IMPG1: variants seen among roughly 807,000 people sequenced by gnomAD.
IMPG1 encodes interphotoreceptor matrix proteoglycan of 150 kDa.
IMPG1 carries 85 observed loss-of-function variants against 92.0 expected under a neutral mutation model. The observed-to-expected ratio is 0.92, with a 90% CI of 0.78 to 1.11. The LOEUF (loss-of-function observed/expected upper bound fraction) is 1.11. Ranked by LOEUF, IMPG1 falls within the 50% of genes least tolerant of loss-of-function variation. IMPG1 has a pLI of 0.00. For missense variants in IMPG1, 1,022 were observed against 956.0 expected, an observed-to-expected ratio of 1.07 and a Z score of -0.91; for synonymous variants, 367 against 334.1, an observed-to-expected ratio of 1.10 and a Z score of -1.08.
chr6:76,025,883 G>A (rs1175531278), intron 4 of IMPG1, among the ~76,000 whole-genome samples: 1 of 152,172 alleles, frequency 6.6e-6, no homozygotes, highest in Admixed American at 6.5e-5. Context: ...TGGTGGTAGA[G>A]CTATTTGTGT....
chr6:76,046,482 T>C (rs149571707), intron 1 of IMPG1, among the ~76,000 whole-genome samples: 17 of 152,326 alleles, frequency 1.1e-4, no homozygotes, highest in African/African-American at 2.9e-4. Context: ...GTAATACACA[T>C]GGTGCTTACT....
intron 1 of IMPG1, among the ~76,000 whole-genome samples, chr6:76,052,394 G>C (rs1001042359): frequency 6.6e-6 from 1 of 152,200 alleles, no homozygotes. Context: ...TGCAAGAAAA[G>C]ATAGTACACA....
chr6:75,988,010 C>T (rs1782749811), intron 12 of IMPG1, among the ~76,000 whole-genome samples: 2 of 152,178 alleles, frequency 1.3e-5, no homozygotes, highest in South Asian at 4.1e-4. Flanking sequence ...TTTTCTTAAT[C>T]CAGTCTATCA....
At chr6:76,054,643 C>G (rs1784091416) in intron 1 of IMPG1, among the ~76,000 whole-genome samples, 1 of 151,964 alleles carries the variant, frequency 6.6e-6, no homozygotes, top group African/African-American at 2.4e-5. Context: ...TATTAATAAC[C>G]AGCTCTGGGA....
At chr6:76,017,153 GA>G (rs1475802343) in intron 7 of IMPG1, among the ~76,000 whole-genome samples, 14 of 148,088 alleles carry the variant, frequency 9.5e-5, no homozygotes, top group Non-Finnish European at 2.1e-4. Context: ...AAACTAGAGT[GA>G]AAAGGAGGGG....
intron 6 of IMPG1, among the ~76,000 whole-genome samples, chr6:76,021,213 C>T (rs1783418145): frequency 2.0e-5 from 3 of 152,192 alleles, no homozygotes; most frequent in African/African-American, 7.2e-5. Context: ...AACCAATTGT[C>T]AACCAGAAAA....
At chr6:75,974,604 G>T (rs1055322150) in intron 12 of IMPG1, among the ~76,000 whole-genome samples, 10 of 151,176 alleles carry the variant, frequency 6.6e-5, no homozygotes, top group Non-Finnish European at 1.2e-4. Context: ...CGAGTAGCTG[G>T]GATTACAATC....
chr6:76,032,739 T>G (rs1246697375), intron 4 of IMPG1, among the ~76,000 whole-genome samples: 1 of 151,776 alleles, frequency 6.6e-6, no homozygotes, highest in African/African-American at 2.4e-5. Flanking sequence ...AGAGTAGAAT[T>G]TGGATAGATG....
Position 76,024,497 on chromosome 6 carries a change from A to T in IMPG1, c.562+697T>A, listed in dbSNP as rs193103979. 1.1e-4 allele frequency among the ~76,000 whole-genome samples: 16 copies of T among 152,310 alleles called. 1 individual carries two copies. The highest frequency in any genetic ancestry group is 3.4e-4 in the African/African-American group (14 of 41,592). ...AAATGATTTTCCTCTGCCTTTTGGCAAACTCTAGAATAAATAGTAATATTC... is the reference window on the plus strand; with the variant it reads ...AAATGATTTTCCTCTGCCTTTTGGCTAACTCTAGAATAAATAGTAATATTC... On this transcript the variant is annotated intron_variant, in intron 5 of 16. Transcript: ENST00000369950.
intron 7 of IMPG1, among the ~76,000 whole-genome samples, chr6:76,011,616 G>T (rs1009534329): frequency 1.3e-5 from 2 of 151,102 alleles, no homozygotes; most frequent in Non-Finnish European, 3.0e-5. Context: ...TTAAGTTTTA[G>T]GGTACATGTG....
Position 76,004,065 on chromosome 6 carries a change from C to T in IMPG1, c.1136-115G>A, listed in dbSNP as rs146344381. 479 of 689,870 alleles carry T rather than the reference C, an allele frequency of 6.9e-4. 2 individuals carry two copies. In the East Asian group the frequency reaches 0.013, roughly 19 times the overall value. The allele number at this position is 689,870 out of a possible 1,614,324, so 42.7% of individuals were successfully genotyped here. On this transcript the variant is annotated intron_variant, in intron 10 of 16. Transcript: ENST00000369950. The stretch of plus-strand genomic sequence containing the variant: ...AATAACCAATCCTTAAGGAGTAGTA[C>T]AACAAATCATTAGGAAACCAGAGGC...
chr6:75,951,095 C>A lies in IMPG1; in HGVS notation c.1292-1G>T. The A allele has an allele frequency of 6.3e-7, 1 of 1,590,480 alleles. No homozygotes were observed. On this transcript the variant is annotated splice_acceptor_variant, in intron 12 of 16. Transcript: ENST00000369950. LOFTEE classifies it high-confidence loss of function. Reference sequence around the variant, plus strand: ...ATAGCAGGTGGAGACCAAGAAGTGTCTGTGGAGGAAGTACAATTTCATTAT... The same window carrying A: ...ATAGCAGGTGGAGACCAAGAAGTGTATGTGGAGGAAGTACAATTTCATTAT...
Position 75,921,713 on chromosome 6 carries a change from G to T in IMPG1, c.*376C>A. ...GTACTTTCTAGCATATAAAGAGTTT[G>T]CTTCCCAATAAATTGTTCAGTCCCT... On this transcript the variant is annotated 3_prime_UTR_variant, in exon 17 of 17. Coordinates refer to ENST00000369950, the MANE Select transcript of IMPG1 (RefSeq NM_001563.4). 1 of 202,082 alleles carries T rather than the reference G, an allele frequency of 4.9e-6. No individual in the cohort carries two copies. Among genetic ancestry groups the T allele is most frequent in the Non-Finnish European group, 1.0e-5 (1 of 100,412 alleles). The allele number at this position is 202,082 out of a possible 1,614,324, so 12.5% of individuals were successfully genotyped here. A position where few individuals can be genotyped will look rare whatever the true frequency, so the allele number is the denominator to read the frequency against.
In IMPG1 at chr6:76,028,557, C is replaced by T. The variant is rs1283245958; in HGVS notation, c.498-3299G>A. Among the ~76,000 whole-genome samples the T allele has an allele frequency of 3.9e-5, 6 of 152,200 alleles. No individual in the cohort carries two copies. The South Asian group carries it at 1.0e-3, about 26-fold the overall frequency. On this transcript the variant is annotated intron_variant, in intron 4 of 16. Coordinates refer to ENST00000369950, the MANE Select transcript of IMPG1 (RefSeq NM_001563.4). ...GCCTTTAACAAGTAAGGGCCGGACA[C>T]GGTGGCTCACGCCTGTAATCCCAGC... is the stretch of plus-strand genomic sequence containing the variant.
At chr6:76,037,459 T>A (rs1432062349) in intron 2 of IMPG1, among the ~76,000 whole-genome samples, 1 of 152,204 alleles carries the variant, frequency 6.6e-6, no homozygotes, top group Non-Finnish European at 1.5e-5. Flanking sequence ...CCTTGCAGAA[T>A]TCATTTTTGT....
At chr6:76,059,605 C>T (rs1417190299) in intron 1 of IMPG1, among the ~76,000 whole-genome samples, 3 of 152,034 alleles carry the variant, frequency 2.0e-5, no homozygotes, top group African/African-American at 7.2e-5. Context: ...GTCCTCTCAT[C>T]ATATTATAGT....
intron 2 of IMPG1, among the ~76,000 whole-genome samples, chr6:76,036,673 G>A (rs1783747150): frequency 6.6e-6 from 1 of 152,128 alleles, no homozygotes; most frequent in African/African-American, 2.4e-5. Flanking sequence ...AGACTCTGAG[G>A]AGAAAAGTAG....
In IMPG1 at chr6:76,025,183, T is replaced by A; in HGVS notation, c.562+11A>T. The A allele has an allele frequency of 6.5e-7, 1 of 1,539,116 alleles. No individual in the cohort carries two copies. Among genetic ancestry groups the A allele is most frequent in the South Asian group, 1.1e-5 (1 of 87,774 alleles). On this transcript the variant is annotated intron_variant, in intron 5 of 16. Coordinates refer to ENST00000369950, the MANE Select transcript of IMPG1 (RefSeq NM_001563.4). ...AAAGTTGAGAAGCAAAGAAATTAGA[T>A]CTAAGCTTACCTGTTGAAATGACAA... is the stretch of plus-strand genomic sequence containing the variant.
chr6:75,988,682 C>T (rs1782765192), intron 12 of IMPG1, among the ~76,000 whole-genome samples: 1 of 152,176 alleles, frequency 6.6e-6, no homozygotes, highest in Admixed American at 6.5e-5. Context: ...AAAGATGAAC[C>T]TGCTTCCTTT....
Sources: allele counts gnomAD v4.1 joint callset (sites outside exome capture counted in the v4.1 genomes callset), GRCh38; gene constraint gnomAD v4.1.1; transcripts MANE v1.5; gene names NCBI Gene and HGNC (gene_info 2026-07-23, HGNC 2026-07-21).